The following DLG2 variants were observed in gnomAD, a reference collection of about 807,000 sequenced individuals.
The protein encoded by DLG2 is disks large homolog 2.
DLG2 carries 45 observed loss-of-function variants against 132.5 expected under a neutral mutation model. That is an observed-to-expected ratio of 0.34 (90% CI 0.27 to 0.44). The LOEUF (loss-of-function observed/expected upper bound fraction) is 0.44. Among genes scored for constraint, DLG2 ranks in the 20% least tolerant of loss-of-function variants. The probability of loss-of-function intolerance (pLI) is 1.00; values close to 1 mark genes in which losing one functional copy is unlikely to be tolerated. For synonymous variants in DLG2, 424 were observed against 419.6 expected, an observed-to-expected ratio of 1.01 and a Z score of -0.13; for missense variants, 1,045 against 1,196.9, an observed-to-expected ratio of 0.87 and a Z score of 1.87.
intron 4 of DLG2, among the ~76,000 whole-genome samples, chr11:85,217,637 T>C (rs917254237): frequency 6.6e-6 from 1 of 152,176 alleles, no homozygotes; most frequent in Non-Finnish European, 1.5e-5. Context: ...CTTATTCCTA[T>C]GCAACATACT....
intron 6 of DLG2, among the ~76,000 whole-genome samples, chr11:84,882,370 C>T (rs867694897): frequency 3.3e-5 from 5 of 152,062 alleles, no homozygotes; most frequent in South Asian, 2.1e-4. Context: ...CTTCTGGAAT[C>T]GGGGAAAGTT....
chr11:84,963,817 C>G (rs970553515), intron 6 of DLG2, among the ~76,000 whole-genome samples: 1 of 152,122 alleles, frequency 6.6e-6, no homozygotes, highest in Non-Finnish European at 1.5e-5. Flanking sequence ...AACTTGGCAT[C>G]AGAGAATATC....
intron 4 of DLG2, among the ~76,000 whole-genome samples, chr11:85,196,877 T>C (rs1441568539): frequency 1.3e-5 from 2 of 152,236 alleles, no homozygotes; most frequent in African/African-American, 4.8e-5. Flanking sequence ...GTTCTCTGAA[T>C]GGAATATTTA....
At chr11:85,104,201 A>C (rs111661816) in intron 6 of DLG2, among the ~76,000 whole-genome samples, 68 of 152,076 alleles carry the variant, frequency 4.5e-4, no homozygotes, top group African/African-American at 1.6e-3. Context: ...CAGAAATTTC[A>C]TTCCTAGGCA....
chr11:83,620,893 A>AAAAAAG (rs2061535626), intron 19 of DLG2, among the ~76,000 whole-genome samples: 2 of 150,848 alleles, frequency 1.3e-5, no homozygotes, highest in Non-Finnish European at 2.9e-5. Flanking sequence ...AAAAAAAAAA[A>AAAAAAG]ATGCATTCCT....
At chr11:85,519,446 GCC>G (rs1255403757) in intron 3 of DLG2, among the ~76,000 whole-genome samples, 2 of 152,152 alleles carry the variant, frequency 1.3e-5, no homozygotes, top group Non-Finnish European at 2.9e-5. Context: ...GGGGCCTGTA[GCC>G]TCTTTGTTTT....
intron 2 of DLG2, among the ~76,000 whole-genome samples, chr11:85,603,844 G>T (rs573728597): frequency 6.6e-6 from 1 of 152,098 alleles, no homozygotes; most frequent in Non-Finnish European, 1.5e-5. Flanking sequence ...TTAAGCCCAG[G>T]AGTTCGAGGC....
chr11:84,572,564 G>T (rs1043040340), intron 6 of DLG2, among the ~76,000 whole-genome samples: 1 of 152,130 alleles, frequency 6.6e-6, no homozygotes, highest in Non-Finnish European at 1.5e-5. Flanking sequence ...AACCCACCCA[G>T]TTAAGCCTGA....
rs1276684182 is a variant in DLG2, at chr11:84,982,875, TTACACCCACTCG to T, written c.357+128774_357+128785del. On this transcript the variant is annotated intron_variant, in intron 6 of 27. Transcript: ENST00000376104. ...TATGCAGAAAAAAAGTAACAAAATT[TTACACCCACTCG>T]TGATAATAATTCTTGAAAAGTAAGA... 2.0e-5 allele frequency among the ~76,000 whole-genome samples: 3 copies of T among 152,004 alleles called. No individual in the cohort carries two copies. The East Asian group carries it at 5.8e-4, about 29-fold the overall frequency.
intron 10 of DLG2, among the ~76,000 whole-genome samples, chr11:84,080,877 A>C (rs1034242875): frequency 6.6e-6 from 1 of 151,894 alleles, no homozygotes. Flanking sequence ...CTGTAATCCC[A>C]GCTTCTCAGG....
At chr11:84,345,607 G>A (rs529527303) in intron 7 of DLG2, among the ~76,000 whole-genome samples, 5 of 152,260 alleles carry the variant, frequency 3.3e-5, no homozygotes, top group Admixed American at 3.3e-4. Context: ...ATATTGAAGT[G>A]AAGATGGTGT....
At position 83,678,656 on chromosome 11, in the gene DLG2, T is replaced by C. The variant is rs143001742; in HGVS notation, c.1826-45331A>G. 9.3e-4 allele frequency among the ~76,000 whole-genome samples: 141 copies of C among 152,252 alleles called. 1 individual carries two copies. Among genetic ancestry groups the C allele is most frequent in the Admixed American group, 2.6e-3 (39 of 15,280 alleles). On this transcript the variant is annotated intron_variant, in intron 18 of 27. Coordinates refer to ENST00000376104, the MANE Select transcript of DLG2 (RefSeq NM_001142699.3). ...GTTTGGGGAAAAAATTATTGGGTCCTATTTACCCTGAATGTGATCCAGAAG... is the reference window on the plus strand; with the variant it reads ...GTTTGGGGAAAAAATTATTGGGTCCCATTTACCCTGAATGTGATCCAGAAG...
At chr11:84,972,036 GTACT>G (rs2054169262) in intron 6 of DLG2, among the ~76,000 whole-genome samples, 1 of 152,036 alleles carries the variant, frequency 6.6e-6, no homozygotes, top group Admixed American at 6.6e-5. Context: ...TTGCTCAGTG[GTACT>G]TACTTATGAC....
chr11:84,180,573 C>T (rs975860162), intron 8 of DLG2, among the ~76,000 whole-genome samples: 1 of 151,964 alleles, frequency 6.6e-6, no homozygotes, highest in Non-Finnish European at 1.5e-5. Context: ...AACAAACACA[C>T]AAGCAAACAA....
At chr11:83,587,546 T>C (rs149156760) in intron 19 of DLG2, among the ~76,000 whole-genome samples, 11 of 152,216 alleles carry the variant, frequency 7.2e-5, no homozygotes, top group African/African-American at 2.7e-4. Flanking sequence ...GCTGGGATTA[T>C]AGGCAAATGT....
intron 9 of DLG2, among the ~76,000 whole-genome samples, chr11:84,109,144 T>C (rs1432376943): frequency 6.6e-6 from 1 of 152,190 alleles, no homozygotes; most frequent in African/African-American, 2.4e-5. Flanking sequence ...AACACTCATT[T>C]AGTGCTTGCT....
chr11:83,835,249 T>C (rs1233973592), intron 16 of DLG2, among the ~76,000 whole-genome samples: 1 of 152,178 alleles, frequency 6.6e-6, no homozygotes, highest in Non-Finnish European at 1.5e-5. Context: ...CCTGTCCTTG[T>C]GGGCTTACAA....
chr11:85,154,130 T>C (rs1007826006), intron 5 of DLG2, among the ~76,000 whole-genome samples: 3 of 137,476 alleles, frequency 2.2e-5, no homozygotes, highest in Admixed American at 7.4e-5. Context: ...CTCTCTTCTT[T>C]TGGAGAAAAA....
chr11:85,529,757 A>C (rs1465360612), intron 3 of DLG2, among the ~76,000 whole-genome samples: 1 of 152,134 alleles, frequency 6.6e-6, no homozygotes, highest in East Asian at 1.9e-4. Context: ...TCCTTTCCTC[A>C]AACACTTTAG....
Sources: allele counts gnomAD v4.1 joint callset (sites outside exome capture counted in the v4.1 genomes callset), GRCh38; gene constraint gnomAD v4.1.1; transcripts MANE v1.5; gene names NCBI Gene and HGNC (gene_info 2026-07-23, HGNC 2026-07-21).